Variants in WDFY4 observed in about 807,000 individuals in gnomAD.
WDFY4 encodes WDFY family member 4, also known as WD repeat- and FYVE domain-containing protein 4.
In WDFY4, 169 loss-of-function variants were observed where a neutral mutation model predicts 351.9. That is an observed-to-expected ratio of 0.48 (90% CI 0.42 to 0.55). The LOEUF is 0.55. WDFY4 is among the 20% of genes least tolerant of loss of function. The pLI, the probability that WDFY4 is intolerant of heterozygous loss-of-function variation, is 0.00. For synonymous variants in WDFY4, 1,622 were observed against 1,574.6 expected (o/e 1.03, Z -0.71); for missense variants, 3,803 against 3,935.6 (o/e 0.97, Z 0.90).
chr10:48,752,933 A>C (rs1242406631), intron 12 of WDFY4, among the ~76,000 whole-genome samples: 1 of 152,214 alleles, frequency 6.6e-6, no homozygotes, highest in African/African-American at 2.4e-5. Flanking sequence ...GAATTGTAGG[A>C]ACTGTAAAAC....
At chr10:48,834,196 AACTC>A (rs1356654283) in intron 39 of WDFY4, among the ~76,000 whole-genome samples, 3 of 152,366 alleles carry the variant, frequency 2.0e-5, no homozygotes, top group African/African-American at 4.8e-5. Flanking sequence ...ATGTGTGAGT[AACTC>A]ACTCAGATTT....
At chr10:48,898,384 C>T (rs1426613045) in intron 45 of WDFY4, among the ~76,000 whole-genome samples, 1 of 152,132 alleles carries the variant, frequency 6.6e-6, no homozygotes, top group Non-Finnish European at 1.5e-5. Flanking sequence ...GGGCAGCTGG[C>T]AGAAAAGGGG....
chr10:48,806,192 G>A, intron 27 of WDFY4, 97 bp downstream of exon 27: 1 of 1,260,406 alleles, frequency 7.9e-7, no homozygotes, highest in Non-Finnish European at 1.1e-6. Context: ...AGTAAGGAAG[G>A]GGAAGGCACC....
intron 12 of WDFY4, among the ~76,000 whole-genome samples, chr10:48,755,095 T>A (rs981129136): frequency 1.3e-5 from 2 of 152,184 alleles, no homozygotes; most frequent in African/African-American, 4.8e-5. Flanking sequence ...TAAAACCTTT[T>A]CTCCACCCTA....
rs931924379 is a variant in WDFY4, at chr10:48,873,649, C to G, written c.6900C>G (p.Arg2300=). 6 of 1,551,732 alleles carry G rather than the reference C, an allele frequency of 3.9e-6. No individual in the cohort carries two copies. Among genetic ancestry groups the G allele is most frequent in the African/African-American group, 1.4e-5 (1 of 73,056 alleles). The change falls in exon 41 of 62, where the codon CGC becomes CGG. Residue 2300 remains arginine (R), a synonymous_variant. Transcript: ENST00000325239. The stretch of plus-strand genomic sequence containing the variant: ...AAGGACCAGCTCGAATGAGGAAACG[C>G]ATCAAACGCTTGTCTCCTTTGGAGG... ...WREGPARMRK[R]IKRLSPLEAL...
intron 31 of WDFY4, among the ~76,000 whole-genome samples, chr10:48,815,900 G>A (rs1358044776): frequency 6.6e-6 from 1 of 151,732 alleles, no homozygotes; most frequent in Non-Finnish European, 1.5e-5. Flanking sequence ...AGTTTTTGTT[G>A]AAAAATATTT....
intron 1 of WDFY4, among the ~76,000 whole-genome samples, chr10:48,690,569 C>A (rs1477961223): frequency 6.6e-6 from 1 of 152,124 alleles, no homozygotes; most frequent in Admixed American, 6.5e-5. Flanking sequence ...TCTCTATAGG[C>A]AGGTTGTCCT....
intron 39 of WDFY4, among the ~76,000 whole-genome samples, chr10:48,843,944 G>A (rs1296276694): frequency 6.6e-6 from 1 of 152,214 alleles, no homozygotes; most frequent in Non-Finnish European, 1.5e-5. Context: ...AGACAGAAGT[G>A]TCCCAAACTA....
intron 39 of WDFY4, among the ~76,000 whole-genome samples, chr10:48,840,655 A>G (rs139763561): frequency 2.5e-3 from 384 of 152,330 alleles, no homozygotes; most frequent in African/African-American, 8.9e-3. Context: ...AGAACTGAAC[A>G]AGGACGAGAG....
chr10:48,893,682 T>C (rs1317877990), intron 44 of WDFY4, among the ~76,000 whole-genome samples: 1 of 152,230 alleles, frequency 6.6e-6, no homozygotes, highest in African/African-American at 2.4e-5. Context: ...TGTTTCTGGG[T>C]ATAAATTCCA....
chr10:48,831,153 G>C (rs1183446665), intron 38 of WDFY4, among the ~76,000 whole-genome samples: 1 of 152,210 alleles, frequency 6.6e-6, no homozygotes, highest in Non-Finnish European at 1.5e-5. Flanking sequence ...CCCATGTGGA[G>C]GCTGTGGCCT....
intron 19 of WDFY4, among the ~76,000 whole-genome samples, chr10:48,783,557 A>G (rs752045066): frequency 1.3e-5 from 2 of 151,682 alleles, no homozygotes; most frequent in African/African-American, 4.8e-5. Flanking sequence ...TAGTGATTTT[A>G]TAGTAATTAT....
At chr10:48,843,001 C>A (rs1369142186) in intron 39 of WDFY4, among the ~76,000 whole-genome samples, 1 of 152,176 alleles carries the variant, frequency 6.6e-6, no homozygotes, top group African/African-American at 2.4e-5. Flanking sequence ...GTCTGAAAAC[C>A]CTTCCAACAA....
chr10:48,873,829 C>T, intron 41 of WDFY4, 132 bp downstream of exon 41: 1 of 1,007,888 alleles, frequency 9.9e-7, no homozygotes, highest in Non-Finnish European at 1.4e-6. Flanking sequence ...TAGGAGAGTC[C>T]CAAAATTTAT....
chr10:48,945,129 A>G (rs2133774852), intron 49 of WDFY4, among the ~76,000 whole-genome samples: 1 of 152,322 alleles, frequency 6.6e-6, no homozygotes, highest in East Asian at 1.9e-4. Context: ...TAATCCTGGC[A>G]CTTTGGGAGG....
chr10:48,706,307 T>C, intron 1 of WDFY4, among the ~76,000 whole-genome samples: 1 of 152,152 alleles, frequency 6.6e-6, no homozygotes, highest in African/African-American at 2.4e-5. Flanking sequence ...GTTTAGTGGA[T>C]ATGTGGCTCT....
intron 15 of WDFY4, 29 bp from the exon 16 acceptor site, chr10:48,776,719 GAC>G: frequency 6.8e-7 from 1 of 1,469,750 alleles, no homozygotes; most frequent in Non-Finnish European, 9.1e-7. Context: ...TTTGAGCAGA[GAC>G]ACATCTCTTC....
At chr10:48,968,100 T>G (rs1047974188) in intron 55 of WDFY4, 2 of 152,284 alleles carry the variant, frequency 1.3e-5, no homozygotes, top group Non-Finnish European at 2.9e-5. Flanking sequence ...CTGATGCAGA[T>G]CTTACCAGCC....
At chr10:48,953,302 G>GTC (rs140127650) in intron 51 of WDFY4, among the ~76,000 whole-genome samples, 42,757 of 125,530 alleles carry the variant, frequency 0.34, 8,429 homozygotes, top group Non-Finnish European at 0.43. Context: ...CATGAGATAT[G>GTC]TCTCTCTCTC....
Sources: gnomAD v4.1 joint callset for allele counts (sites outside exome capture counted in the v4.1 genomes callset) on GRCh38, gnomAD v4.1.1 for gene constraint, MANE v1.5 for transcripts, NCBI Gene and HGNC (gene_info 2026-07-23, HGNC 2026-07-21) for gene names.